Variants in PRKG1 observed in about 807,000 individuals in gnomAD.
PRKG1 encodes protein kinase cGMP-dependent 1, also known as cGMP-dependent protein kinase 1.
Under a neutral mutation model 88.1 loss-of-function variants are expected in PRKG1, and 35 were observed. That is an observed-to-expected ratio of 0.40 (90% CI 0.30 to 0.53). PRKG1 has a LOEUF of 0.53. Among genes scored for constraint, PRKG1 ranks in the 20% least tolerant of loss-of-function variants. The pLI, the probability that PRKG1 is intolerant of heterozygous loss-of-function variation, is 0.59. For synonymous variants in PRKG1, 303 were observed against 292.5 expected (o/e 1.04, Z -0.37); for missense variants, 540 against 839.8 (o/e 0.64, Z 4.41).
intron 3 of PRKG1, among the ~76,000 whole-genome samples, chr10:51,631,150 T>C (rs1839515817): frequency 6.6e-6 from 1 of 152,216 alleles, no homozygotes. Flanking sequence ...TATTTTATTT[T>C]AAATGCAACT....
intron 3 of PRKG1, among the ~76,000 whole-genome samples, chr10:51,498,999 T>C (rs534201142): frequency 6.6e-6 from 1 of 152,050 alleles, no homozygotes; most frequent in South Asian, 2.1e-4. Context: ...AGGAAACTAG[T>C]CATGACTCTG....
intron 4 of PRKG1, among the ~76,000 whole-genome samples, chr10:51,810,905 T>G (rs1839439734): frequency 6.6e-6 from 1 of 152,196 alleles, no homozygotes; most frequent in Non-Finnish European, 1.5e-5. Context: ...CACCTGTCAC[T>G]GGATGGGATC....
At chr10:51,664,946 A>G (rs539069026) in intron 3 of PRKG1, among the ~76,000 whole-genome samples, 4 of 152,300 alleles carry the variant, frequency 2.6e-5, no homozygotes, top group South Asian at 2.1e-4. Flanking sequence ...CAACAGTGCC[A>G]TCTGACCTGT....
At position 51,579,937 on chromosome 10, in the gene PRKG1, G is replaced by A. The variant is rs60629264; in HGVS notation, c.592+112101G>A. Reference sequence around the variant, plus strand: ...TGTCTTTCACTGGGAATTGGGATCTGGCAGTTACATTTTAATATATGTTTT... The same window carrying A: ...TGTCTTTCACTGGGAATTGGGATCTAGCAGTTACATTTTAATATATGTTTT... On this transcript the variant is annotated intron_variant, in intron 3 of 17. Coordinates refer to ENST00000373980, the MANE Select transcript of PRKG1 (RefSeq NM_006258.4). Among the ~76,000 whole-genome samples the A allele has an allele frequency of 9.0e-4, 137 of 152,098 alleles. 4 individuals are homozygous for A. In the East Asian group the frequency reaches 0.025, roughly 27 times the overall value.
intron 2 of PRKG1, among the ~76,000 whole-genome samples, chr10:51,256,102 A>G (rs1301343126): frequency 6.6e-6 from 1 of 152,058 alleles, no homozygotes; most frequent in Non-Finnish European, 1.5e-5. Context: ...ATTTTACCCA[A>G]TAGAGTGTCT....
chr10:51,200,751 A>T (rs888009102), intron 2 of PRKG1, among the ~76,000 whole-genome samples: 18 of 152,186 alleles, frequency 1.2e-4, no homozygotes, highest in Admixed American at 5.2e-4. Context: ...AACCATACTG[A>T]TTTTATCTCA....
At chr10:51,916,367 A>G (rs1367585817) in intron 5 of PRKG1, among the ~76,000 whole-genome samples, 2 of 152,232 alleles carry the variant, frequency 1.3e-5, no homozygotes, top group African/African-American at 4.8e-5. Flanking sequence ...TACAAATGCC[A>G]CGGCAACATC....
chr10:51,990,850 C>T (rs1444522550), intron 5 of PRKG1, among the ~76,000 whole-genome samples: 1 of 147,032 alleles, frequency 6.8e-6, no homozygotes, highest in Non-Finnish European at 1.5e-5. Flanking sequence ...GTTTGCAAGG[C>T]ATGATGGTCT....
intron 3 of PRKG1, among the ~76,000 whole-genome samples, chr10:51,481,194 T>TCCCC (rs879550958): frequency 1.0e-4 from 12 of 118,554 alleles, no homozygotes; most frequent in South Asian, 3.4e-4. Context: ...CTTCCCTCCC[T>TCCCC]CTCTCCCTCC....
intron 4 of PRKG1, among the ~76,000 whole-genome samples, chr10:51,892,477 C>T (rs10823833): frequency 0.49 from 74,338 of 152,020 alleles, 18,456 homozygotes; most frequent in Middle Eastern, 0.53. Context: ...GCACTTTAAA[C>T]AGATGGCTTC....
At chr10:51,777,843 G>A (rs144663029) in intron 3 of PRKG1, among the ~76,000 whole-genome samples, 2 of 152,184 alleles carry the variant, frequency 1.3e-5, no homozygotes, top group African/African-American at 2.4e-5. Flanking sequence ...GTCGTATACT[G>A]TAGTTGGAAT....
At chr10:52,133,379 G>A (rs558458470) in intron 7 of PRKG1, among the ~76,000 whole-genome samples, 1 of 152,034 alleles carries the variant, frequency 6.6e-6, no homozygotes, top group Admixed American at 6.6e-5. Flanking sequence ...CATAAAAACA[G>A]GGTCTTTAAA....
chr10:51,263,682 G>C (rs1015734554), intron 2 of PRKG1, among the ~76,000 whole-genome samples: 2 of 152,192 alleles, frequency 1.3e-5, no homozygotes, highest in Non-Finnish European at 2.9e-5. Context: ...AAGTAGATTG[G>C]TGGTTATTTC....
At chr10:51,476,661 T>G (rs1564514616) in intron 3 of PRKG1, among the ~76,000 whole-genome samples, 1 of 151,984 alleles carries the variant, frequency 6.6e-6, no homozygotes, top group Non-Finnish European at 1.5e-5. Flanking sequence ...GTACTTCTGT[T>G]TATGAAGCTT....
chr10:52,178,415 A>G (rs1359056680), intron 9 of PRKG1, among the ~76,000 whole-genome samples: 4 of 152,106 alleles, frequency 2.6e-5, no homozygotes, highest in Non-Finnish European at 5.9e-5. Flanking sequence ...ATTTTGTAAC[A>G]TATCATCTAT....
At chr10:52,213,938 A>G (rs778131793) in intron 9 of PRKG1, among the ~76,000 whole-genome samples, 1 of 152,208 alleles carries the variant, frequency 6.6e-6, no homozygotes, top group Admixed American at 6.5e-5. Flanking sequence ...GGAAAACCAA[A>G]CATACATTTA....
intron 9 of PRKG1, among the ~76,000 whole-genome samples, chr10:52,166,319 TCATCTTAC>T (rs1463169809): frequency 1.9e-5 from 1 of 53,068 alleles, no homozygotes; most frequent in Admixed American, 3.9e-4. Context: ...ATACCAAGGA[TCATCTTAC>T]AGTTCAGTAG....
intron 3 of PRKG1, among the ~76,000 whole-genome samples, chr10:51,482,728 T>G (rs922547422): frequency 1.1e-4 from 16 of 152,170 alleles, no homozygotes; most frequent in African/African-American, 3.9e-4. Context: ...TCATCCAGTC[T>G]GGGTTGAAAA....
At chr10:52,237,298 A>C (rs201474957) in intron 9 of PRKG1, among the ~76,000 whole-genome samples, 39,310 of 144,464 alleles carry the variant, frequency 0.27, 5,889 homozygotes, top group Admixed American at 0.29. Flanking sequence ...TATTCAACAC[A>C]GTGTTGGAAG....
Sources: allele counts gnomAD v4.1 joint callset (sites outside exome capture counted in the v4.1 genomes callset), GRCh38; gene constraint gnomAD v4.1.1; transcripts MANE v1.5; gene names NCBI Gene and HGNC (gene_info 2026-07-23, HGNC 2026-07-21).